The following ZNF831 variants were observed in gnomAD, a reference collection of about 807,000 sequenced individuals.
ZNF831 encodes zinc finger protein 831, also known as chromosome 20 open reading frame 174.
A neutral mutation model predicts 95.8 loss-of-function variants in ZNF831; 59 were observed. The ratio of observed to expected loss-of-function variants is 0.62; its 90% CI spans 0.50 to 0.77. ZNF831 has a LOEUF of 0.77. ZNF831 is among the 30% of genes least tolerant of loss of function. The probability of loss-of-function intolerance (pLI) is 0.00; values close to 1 mark genes in which losing one functional copy is unlikely to be tolerated. For missense variants in ZNF831, 2,205 were observed against 2,164.0 expected, an observed-to-expected ratio of 1.02 and a Z score of -0.38; for synonymous variants, 961 against 925.5, an observed-to-expected ratio of 1.04 and a Z score of -0.70.
chr20:59,224,048 C>T (rs1016491710), intron 4 of ZNF831, among the ~76,000 whole-genome samples: 2 of 152,190 alleles, frequency 1.3e-5, no homozygotes, highest in Admixed American at 6.5e-5. Context: ...GGATGGATTA[C>T]GGGGAAACAC....
rs1358974370 is a variant in ZNF831 at position 59,169,926 on chromosome 20, C to G, written c.-37+5719C>G. ...AAAAAAAAAGGTGAATTTTATTAAT[C>G]TTGTCCAAGAAAAAGCTCTTTCTTT... is the stretch of plus-strand genomic sequence containing the variant. On this transcript the variant is annotated intron_variant, in intron 1 of 5. Transcript: ENST00000371030. This position sits in a 1 kb window ranked among gnomAD's most constrained non-coding sequence, Gnocchi z 4.1. Among the ~76,000 whole-genome samples, 1 of 151,812 alleles carries G rather than the reference C, an allele frequency of 6.6e-6. No homozygotes were observed. The highest frequency in any genetic ancestry group is 1.5e-5 in the Non-Finnish European group (1 of 67,962).
intron 1 of ZNF831, among the ~76,000 whole-genome samples, chr20:59,189,972 C>G (rs765769629): frequency 1.3e-5 from 2 of 152,208 alleles, no homozygotes; most frequent in African/African-American, 2.4e-5. Context: ...CCCTGATTCT[C>G]TAGTCACAGG....
At chr20:59,245,038 T>G (rs1425422052) in intron 4 of ZNF831, among the ~76,000 whole-genome samples, 1 of 152,186 alleles carries the variant, frequency 6.6e-6, no homozygotes, top group African/African-American at 2.4e-5. Context: ...GGACTTACTC[T>G]CCCATCAATA....
At chr20:59,253,861 C>CCT in intron 5 of ZNF831, 37 bp from the exon 6 acceptor site, 1 of 1,066,170 alleles carries the variant, frequency 9.4e-7, no homozygotes, top group African/African-American at 1.9e-5. Context: ...AATTAACCTC[C>CCT]CCCCCCACTT....
At chr20:59,226,834 C>T (rs16982556) in intron 4 of ZNF831, among the ~76,000 whole-genome samples, 19,632 of 151,638 alleles carry the variant, frequency 0.13, 1,744 homozygotes, top group South Asian at 0.3. Context: ...GTTTTCAGAG[C>T]GTAGCATTTC....
intron 4 of ZNF831, among the ~76,000 whole-genome samples, chr20:59,250,335 C>T (rs1987822730): frequency 6.6e-6 from 1 of 152,126 alleles, no homozygotes; most frequent in Admixed American, 6.5e-5. Flanking sequence ...TTCTATTTTC[C>T]AGTCAGGAGA....
chr20:59,136,450 T>C (rs1279424899), intron 1 of ZNF831, among the ~76,000 whole-genome samples: 1 of 152,170 alleles, frequency 6.6e-6, no homozygotes, highest in Non-Finnish European at 1.5e-5. Flanking sequence ...AATTCTGCCT[T>C]CCACATTACC....
In ZNF831 at chr20:59,178,354, C is replaced by T. The variant is rs148005211; in HGVS notation, c.-36-12630C>T. Among the ~76,000 whole-genome samples the T allele has an allele frequency of 4.6e-3, 694 of 152,336 alleles. 8 individuals carry two copies. Among genetic ancestry groups the T allele is most frequent in the African/African-American group, 0.016 (645 of 41,572 alleles). On this transcript the variant is annotated intron_variant, in intron 1 of 5. Coordinates refer to ENST00000371030, the MANE Select transcript of ZNF831 (RefSeq NM_178457.3). ...TAGACCAGAACAGCATGGTTTGGCT[C>T]AAGTAAGTGAGGAACCTCTTCAGAG...
rs968986576 is a variant in ZNF831, at chr20:59,148,549, G to A, written c.-1281+2175G>A. ...ACAAAAATTAGCCGGGCATGGTGGC[G>A]CGCGCCTGTAGTCCCAGCTACACGG... On this transcript the variant is annotated intron_variant, in intron 2 of 7. Transcript: ENST00000637017. Among the ~76,000 whole-genome samples the A allele has an allele frequency of 2.4e-4, 33 of 138,332 alleles. 2 individuals carry two copies. The highest frequency in any genetic ancestry group is 3.5e-4 in the Admixed American group (5 of 14,270). The allele number at this position is 138,332 out of a possible 152,430, so 90.8% of individuals were successfully genotyped here.
chr20:59,226,972 A>G (rs1986467823), intron 4 of ZNF831, among the ~76,000 whole-genome samples: 2 of 152,208 alleles, frequency 1.3e-5, no homozygotes, highest in Admixed American at 1.3e-4. Context: ...TTTCTCCCGT[A>G]GGTGCCTATT....
intron 1 of ZNF831, among the ~76,000 whole-genome samples, chr20:59,129,007 G>T (rs1053150898): frequency 1.3e-5 from 2 of 152,112 alleles, no homozygotes; most frequent in Admixed American, 6.5e-5. Context: ...CAGGTGATCC[G>T]CCAGCCTTGG....
chr20:59,162,094 C>T (rs1370030222), upstream of ZNF831, among the ~76,000 whole-genome samples: 3 of 152,246 alleles, frequency 2.0e-5, no homozygotes, highest in Middle Eastern at 3.4e-3. Context: ...ATGACCTTTG[C>T]TCACTTTTTA....
intron 4 of ZNF831, among the ~76,000 whole-genome samples, chr20:59,245,515 A>C (rs1400661865): frequency 2.6e-5 from 4 of 151,916 alleles, no homozygotes; most frequent in African/African-American, 9.7e-5. Context: ...ATTTGGCGAC[A>C]CTCCATTATT....
upstream of ZNF831, among the ~76,000 whole-genome samples, chr20:59,162,881 T>A (rs922165713): frequency 2.0e-5 from 3 of 152,216 alleles, no homozygotes; most frequent in African/African-American, 7.2e-5. Flanking sequence ...TTGAGCAGTA[T>A]GGACATTTTA....
At chr20:59,213,613 G>A (rs1242378567) in intron 4 of ZNF831, among the ~76,000 whole-genome samples, 1 of 152,128 alleles carries the variant, frequency 6.6e-6, no homozygotes, top group African/African-American at 2.4e-5. Context: ...GGTTCCTGAA[G>A]CTTAGTTTCA....
chr20:59,150,950 C>T (rs761518077), intron 2 of ZNF831, among the ~76,000 whole-genome samples: 3 of 152,208 alleles, frequency 2.0e-5, no homozygotes, highest in Non-Finnish European at 4.4e-5. Flanking sequence ...ATGGGAACGG[C>T]TGTGTCAACC....
At chr20:59,134,637 G>A (rs1288014533) in intron 1 of ZNF831, among the ~76,000 whole-genome samples, 1 of 152,208 alleles carries the variant, frequency 6.6e-6, no homozygotes, top group Admixed American at 6.5e-5. Flanking sequence ...GTTTATTGTC[G>A]TCTTGGCTCA....
intron 3 of ZNF831, among the ~76,000 whole-genome samples, chr20:59,205,324 A>G (rs914061476): frequency 1.1e-4 from 17 of 152,156 alleles, no homozygotes; most frequent in Admixed American, 3.3e-4. Context: ...CCTGGCTCAG[A>G]TAGCTCTTTC....
chr20:59,191,346 G>C lies in ZNF831; in HGVS notation c.327G>C (p.Ala109=), dbSNP rs1983501398. 1 of 1,606,900 alleles carries C rather than the reference G, an allele frequency of 6.2e-7. No homozygotes were observed. The highest frequency in any genetic ancestry group is 8.5e-7 in the Non-Finnish European group (1 of 1,176,690). The change falls in exon 2 of 6, where the codon GCG becomes GCC. Residue 109 remains alanine, a synonymous_variant. Transcript: ENST00000371030. Reference sequence around the variant, plus strand: ...GCCCCACCCAGGTGGGGAAGCCGGCGGCCCCTACGCTGACGGTGAACATCG... The same window carrying C: ...GCCCCACCCAGGTGGGGAAGCCGGCCGCCCCTACGCTGACGGTGAACATCG... ...GPGPTQVGKP[A]APTLTVNIVG... is the part of the protein sequence containing the mutation.
Sources: gnomAD v4.1 joint callset for allele counts (sites outside exome capture counted in the v4.1 genomes callset) on GRCh38, gnomAD v4.1.1 for gene constraint, Gnocchi (gnomAD v3.1) non-coding constraint, MANE v1.5 for transcripts, NCBI Gene and HGNC (gene_info 2026-07-23, HGNC 2026-07-21) for gene names.